ARL5C: variants seen among roughly 807,000 people sequenced by gnomAD.
ARL5C encodes the protein ARF like GTPase 5C.
Under a neutral mutation model 20.8 loss-of-function variants are expected in ARL5C, and 21 were observed. That is an observed-to-expected ratio of 1.01 (90% CI 0.72 to 1.46). ARL5C has a LOEUF of 1.46. Ranked by LOEUF, ARL5C falls within the 40% of genes most tolerant of loss-of-function variation. ARL5C has a pLI of 0.00. For missense variants in ARL5C, 199 were observed against 225.1 expected (o/e 0.88, Z 0.74); for synonymous variants, 71 against 81.6 (o/e 0.87, Z 0.70).
Position 39,165,508 on chromosome 17 carries a change from A to T in ARL5C, c.46+207T>A, listed in dbSNP as rs552095046. ...TAGCGGGGAGAAAGGAGGGTCGCCC[A>T]GCTTTGCGTCCTGGGGCGCACCGAA... On this transcript the variant is annotated intron_variant, in intron 1 of 5. Transcript: ENST00000269586. The T allele has an allele frequency of 1.2e-4, 75 of 632,996 alleles. No individual in the cohort carries two copies. The African/African-American group carries it at 1.4e-3, about 11-fold the overall frequency. The allele number at this position is 632,996 out of a possible 1,614,324, so 39.2% of individuals were successfully genotyped here. A position where few individuals can be genotyped will look rare whatever the true frequency, so the allele number is the denominator to read the frequency against.
chr17:39,163,468 G>T (rs2045447679), intron 2 of ARL5C, among the ~76,000 whole-genome samples: 2 of 150,442 alleles, frequency 1.3e-5, no homozygotes, highest in African/African-American at 4.9e-5. Context: ...CTGGAGTGTA[G>T]GTACGATCAT....
Position 39,162,719 on chromosome 17 carries a change from T to G in ARL5C, c.247A>C (p.Asn83His). The change falls in exon 3 of 6, where the codon AAC (asparagine) becomes CAC (histidine). Residue 83 changes from asparagine to histidine, a missense_variant. By Grantham distance (68) the Asn-to-His change is moderately conservative (BLOSUM62 1). Transcript: ENST00000269586. ...CCTGGTGCCCTCCTCACCTCAGTGTTGGAGTAGTATGTGTTCCAGATAAAG... is the reference window on the plus strand; with the variant it reads ...CCTGGTGCCCTCCTCACCTCAGTGTGGGAGTAGTATGTGTTCCAGATAAAG... ...LSFIWNTYYS[N>H]TEFIILVIDS... 5 of 1,551,680 alleles carry G rather than the reference T, an allele frequency of 3.2e-6. No individual in the cohort carries two copies. Among genetic ancestry groups the G allele is most frequent in the Non-Finnish European group, 4.4e-6 (5 of 1,146,950 alleles).
chr17:39,161,411 C>T, intron 3 of ARL5C, 60 bp from the exon 4 acceptor site: 3 of 1,483,466 alleles, frequency 2.0e-6, no homozygotes, highest in Non-Finnish European at 2.8e-6. Flanking sequence ...GTGTTTCCTG[C>T]CCTCTTTCTT....
At chr17:39,163,400 T>TTCTTTCTC (rs2045447036) in intron 2 of ARL5C, among the ~76,000 whole-genome samples, 1 of 145,542 alleles carries the variant, frequency 6.9e-6, no homozygotes, top group Non-Finnish European at 1.5e-5. Flanking sequence ...CTTTCTCTCT[T>TTCTTTCTC]TCTTTCCTTC....
intron 5 of ARL5C, among the ~76,000 whole-genome samples, chr17:39,159,019 C>CTTTTTTTTTTTTTTTTTTT (rs1395516312): frequency 1.6e-5 from 1 of 63,960 alleles, no homozygotes; most frequent in Non-Finnish European, 3.2e-5. Flanking sequence ...TCATTTATCA[C>CTTTTTTTTTTTTTTTTTTT]TTGTTTTTTT....
chr17:39,164,846 C>G, intron 2 of ARL5C: 1 of 460,796 alleles, frequency 2.2e-6, no homozygotes, highest in Non-Finnish European at 3.9e-6. Flanking sequence ...TTGGCAGGGC[C>G]CCCGGGAAGA....
In ARL5C at chr17:39,161,262, G is replaced by A. The variant is rs989194805; in HGVS notation, c.339+6C>T. On this transcript the variant is annotated splice_donor_region_variant and intron_variant, in intron 4 of 5. Transcript: ENST00000269586. ...CTGGGCCCTCTCCCAACTGCAGGGG[G>A]CTTACCTCATGGGCCAGCATTTTAT... The A allele has an allele frequency of 6.4e-7, 1 of 1,551,738 alleles. No individual in the cohort carries two copies. Among genetic ancestry groups the A allele is most frequent in the Non-Finnish European group, 8.7e-7 (1 of 1,146,916 alleles).
chr17:39,160,321 T>C (rs1274949310), intron 5 of ARL5C: 5 of 355,638 alleles, frequency 1.4e-5, no homozygotes, highest in East Asian at 5.8e-5. Flanking sequence ...CAAAACTCTG[T>C]CTCAAAAAAA....
At chr17:39,160,452 G>A in intron 5 of ARL5C, 139 bp downstream of exon 5, 1 of 1,010,700 alleles carries the variant, frequency 9.9e-7, no homozygotes, top group Admixed American at 2.5e-5. Flanking sequence ...CTCACCTGTG[G>A]GGAGATGCCA....
chr17:39,156,765 A>G, downstream of ARL5C: 2 of 1,103,380 alleles, frequency 1.8e-6, no homozygotes, highest in Non-Finnish European at 2.6e-6. Flanking sequence ...AATGGTGTCA[A>G]TCTCACTGTC....
At chr17:39,157,434 C>T (rs1014657985) in intron 5 of ARL5C, among the ~76,000 whole-genome samples, 2 of 152,212 alleles carry the variant, frequency 1.3e-5, no homozygotes, top group Non-Finnish European at 2.9e-5. Context: ...GAGTCTTGGT[C>T]ATCTCTGTAT....
chr17:39,165,600 C>G, intron 1 of ARL5C, 115 bp downstream of exon 1: 1 of 1,334,306 alleles, frequency 7.5e-7, no homozygotes, highest in Non-Finnish European at 1.0e-6. Flanking sequence ...TCGAGGAGCG[C>G]CCATATACGA....
chr17:39,162,633 A>C, intron 3 of ARL5C, 78 bp downstream of exon 3: 1 of 1,477,426 alleles, frequency 6.8e-7, no homozygotes, highest in South Asian at 1.3e-5. Context: ...TTGGGGAACC[A>C]AGGCTCAGAA....
intron 5 of ARL5C, among the ~76,000 whole-genome samples, chr17:39,157,742 A>G (rs918352626): frequency 2.7e-5 from 4 of 149,330 alleles, no homozygotes; most frequent in African/African-American, 9.9e-5. Flanking sequence ...GTGAGCTGAG[A>G]TCATGCTATT....
At chr17:39,165,477 T>C (rs933927509) in intron 1 of ARL5C, 5 of 599,880 alleles carry the variant, frequency 8.3e-6, no homozygotes, top group Non-Finnish European at 1.5e-5. Flanking sequence ...CGCCGCTGGC[T>C]CCGTTTAGCG....
At chr17:39,160,513 G>T in intron 5 of ARL5C, 78 bp downstream of exon 5, 2 of 1,493,242 alleles carry the variant, frequency 1.3e-6, no homozygotes, top group Non-Finnish European at 1.8e-6. Flanking sequence ...ACAGGAGAGA[G>T]GCAGGAGAAG....
intron 2 of ARL5C, among the ~76,000 whole-genome samples, chr17:39,163,345 C>CCATTCTTTCTTTCTTTCTTTCTTT (rs765643720): frequency 1.6e-4 from 22 of 136,862 alleles, no homozygotes; most frequent in Middle Eastern, 3.6e-3. Context: ...CAGGCTTTTG[C>CCATTCTTTCTTTCTTTCTTTCTTT]CTTTCTTTCT....
At chr17:39,162,659 C>A in intron 3 of ARL5C, 52 bp downstream of exon 3, 1 of 1,533,872 alleles carries the variant, frequency 6.5e-7, no homozygotes, top group Non-Finnish European at 8.8e-7. Flanking sequence ...ACATGACAGT[C>A]TGATATCACA....
chr17:39,160,629 C>G lies in ARL5C; in HGVS notation c.453G>C (p.Ser151=), dbSNP rs761754935. 3 of 1,551,782 alleles carry G rather than the reference C, an allele frequency of 1.9e-6. No individual in the cohort carries two copies. The highest frequency in any genetic ancestry group is 2.7e-5 in the African/African-American group (2 of 73,054). Residue 151 remains serine (S), a synonymous_variant, in exon 5 of 6, where the codon TCG becomes TCC. Coordinates refer to ENST00000269586, the MANE Select transcript of ARL5C (RefSeq NM_001143968.1). ...FLTLSTIKDH[S]WHIQGCCALT... The stretch of plus-strand genomic sequence containing the variant: ...GGGCACAGCAGCCTTGTATATGCCA[C>G]GAGTGGTCTTTGATGGTGCTGAGAG...
Sources: gnomAD v4.1 joint callset for allele counts (sites outside exome capture counted in the v4.1 genomes callset) on GRCh38, gnomAD v4.1.1 for gene constraint, MANE v1.5 for transcripts, NCBI Gene and HGNC (gene_info 2026-07-23, HGNC 2026-07-21) for gene names.